PLBD2: variants seen among roughly 807,000 people sequenced by gnomAD.
The protein encoded by PLBD2 is putative aminopeptidase PLBD2.
Under a neutral mutation model 68.3 loss-of-function variants are expected in PLBD2, and 51 were observed. The ratio of observed to expected loss-of-function variants is 0.75; its 90% CI spans 0.60 to 0.94. PLBD2 has a LOEUF of 0.94. Ranked by LOEUF, PLBD2 falls within the 40% of genes least tolerant of loss-of-function variation. PLBD2 has a pLI of 0.00. For missense variants in PLBD2, 729 were observed against 792.2 expected (o/e 0.92, Z 0.96); for synonymous variants, 314 against 339.3 (o/e 0.93, Z 0.82).
chr12:113,387,351 G>C (rs927302620), intron 10 of PLBD2, among the ~76,000 whole-genome samples: 13 of 152,194 alleles, frequency 8.5e-5, no homozygotes, highest in African/African-American at 3.1e-4. Context: ...GGTACCAGGA[G>C]CAACAGGTAG....
chr12:113,358,975 T>C, intron 1 of PLBD2, 85 bp downstream of exon 1: 1 of 1,373,844 alleles, frequency 7.3e-7, no homozygotes, highest in South Asian at 1.5e-5. Flanking sequence ...GGGACCGGCC[T>C]CTTGCCGGGT....
At chr12:113,368,990 G>C in intron 1 of PLBD2, 126 bp from the exon 2 acceptor site, 3 of 602,632 alleles carry the variant, frequency 5.0e-6, no homozygotes, top group South Asian at 4.4e-5. Context: ...CACAAAGATG[G>C]ACAGACAGAC....
At chr12:113,360,834 T>G (rs138987174) in intron 1 of PLBD2, among the ~76,000 whole-genome samples, 1,825 of 152,246 alleles carry the variant, frequency 0.012, 19 homozygotes, top group South Asian at 0.037. Context: ...TTTTGTATTA[T>G]TAGTAGAGAT....
At chr12:113,375,061 G>A (rs1057122627) in intron 5 of PLBD2, 54 bp downstream of exon 5, 3 of 1,547,258 alleles carry the variant, frequency 1.9e-6, no homozygotes, top group South Asian at 2.3e-5. Flanking sequence ...GCACACACGT[G>A]GGGAGTGGTC....
At chr12:113,363,387 C>T (rs1021330904) in intron 1 of PLBD2, among the ~76,000 whole-genome samples, 10 of 151,972 alleles carry the variant, frequency 6.6e-5, no homozygotes, top group East Asian at 1.9e-4. Context: ...GCTGTGATCA[C>T]GCCAGTGCAC....
At chr12:113,381,091 C>T (rs1378958593) in intron 6 of PLBD2, among the ~76,000 whole-genome samples, 1 of 152,166 alleles carries the variant, frequency 6.6e-6, no homozygotes, top group African/African-American at 2.4e-5. Context: ...CATAGACCCC[C>T]AGGCCCCGCA....
intron 2 of PLBD2, among the ~76,000 whole-genome samples, chr12:113,369,934 C>G (rs1469112867): frequency 6.6e-6 from 1 of 151,570 alleles, no homozygotes; most frequent in African/African-American, 2.4e-5. Flanking sequence ...GAGTCTTGCT[C>G]TGTCACCCAG....
Position 113,388,584 on chromosome 12 carries a change from AGACCTCTG to A in PLBD2, c.1731_1738del (p.Asp577GlufsTer49). On this transcript the variant is annotated frameshift_variant, in exon 12 of 12. Coordinates refer to ENST00000280800, the MANE Select transcript of PLBD2 (RefSeq NM_173542.4). LOFTEE classifies it high-confidence loss of function. ...GCGGCCTGCTGCACATGGGCCAGCC[AGACCTCTG>A]GAAGTTCGCGCCTGTCAAGGTTTCA... The A allele has an allele frequency of 6.2e-7, 1 of 1,605,036 alleles. No individual in the cohort carries two copies. The highest frequency in any genetic ancestry group is 8.5e-7 in the Non-Finnish European group (1 of 1,174,616).
Position 113,369,383 on chromosome 12 carries a change from G to A in PLBD2, c.384+174G>A, listed in dbSNP as rs539738620. ...TCTTTAGAAAATTACACTAGGGGCC[G>A]GCCACTGCACCTGGCTCTCACCCAC... On this transcript the variant is annotated intron_variant, in intron 2 of 11. Transcript: ENST00000280800. Among the ~76,000 whole-genome samples, 7 of 152,288 alleles carry A rather than the reference G, an allele frequency of 4.6e-5. No individual in the cohort carries two copies. The East Asian group carries it at 7.7e-4, about 17-fold the overall frequency.
chr12:113,384,864 T>C lies in PLBD2; in HGVS notation c.1132T>C (p.Trp378Arg), dbSNP rs1957533818. ...CCTGCCCGGCAGGTATAACAACCAG[T>C]GGATGATCGTGGACTACAAGGCGTT... ...RFNSGTYNNQ[W>R]MIVDYKAFIP... Residue 378 changes from tryptophan to arginine, a missense_variant, in exon 8 of 12, where the codon TGG becomes CGG. Transcript: ENST00000280800. The surrounding 1 kb of genome is among the most constrained non-coding windows in gnomAD (Gnocchi z 4.2). 6.2e-7 allele frequency: 1 copy of C among 1,612,652 alleles called. No homozygotes were observed. Among genetic ancestry groups the C allele is most frequent in the African/African-American group, 1.3e-5 (1 of 74,648 alleles).
Position 113,372,565 on chromosome 12 carries a change from T to G in PLBD2, c.385-84T>G. ...AGGTGGCCACACCAGCAGCCTCCGC[T>G]CTGGGGCAGCCTGGGTGGGGGGCTC... is the stretch of plus-strand genomic sequence containing the variant. On this transcript the variant is annotated intron_variant, in intron 2 of 11. Transcript: ENST00000280800. This position sits in a 1 kb window ranked among gnomAD's most constrained non-coding sequence, Gnocchi z 4.2. 1 of 1,476,590 alleles carries G rather than the reference T, an allele frequency of 6.8e-7. No homozygotes were observed. The highest frequency in any genetic ancestry group is 2.3e-5 in the East Asian group (1 of 43,882). 91.5% of individuals were successfully genotyped at this position (1,476,590 alleles called of 1,614,324 possible).
Position 113,390,557 on chromosome 12 carries a change from A to G in PLBD2, c.*1931A>G, listed in dbSNP as rs1357932393. ...CATCCACCCATTCACTCATCCATCC[A>G]CCTTCCTATCCATTTATCATCCATC... On this transcript the variant is annotated 3_prime_UTR_variant, in exon 12 of 12. Transcript: ENST00000280800. 1 of 149,168 alleles carries G rather than the reference A, an allele frequency of 6.7e-6. No individual in the cohort carries two copies. Among genetic ancestry groups the G allele is most frequent in the Non-Finnish European group, 1.5e-5 (1 of 67,472 alleles). The allele number at this position is 149,168 out of a possible 1,614,324, so 9.2% of individuals were successfully genotyped here.
chr12:113,382,500 T>C (rs1208639024), intron 6 of PLBD2, among the ~76,000 whole-genome samples: 3 of 152,012 alleles, frequency 2.0e-5, no homozygotes, highest in African/African-American at 7.3e-5. Context: ...CTGAGTGCAG[T>C]GGCATGATCA....
At chr12:113,362,004 C>T (rs1480157169) in intron 1 of PLBD2, among the ~76,000 whole-genome samples, 2 of 151,960 alleles carry the variant, frequency 1.3e-5, no homozygotes, top group Non-Finnish European at 2.9e-5. Flanking sequence ...TAAATAAGGC[C>T]CAGCTGTTTC....
Position 113,384,177 on chromosome 12 carries a change from C to T in PLBD2, c.1030C>T (p.Leu344=). Residue 344 remains leucine, a synonymous_variant, in exon 7 of 12, where the codon CTG becomes TTG. Coordinates refer to ENST00000280800, the MANE Select transcript of PLBD2 (RefSeq NM_173542.4). The surrounding 1 kb of genome is among the most constrained non-coding windows in gnomAD (Gnocchi z 4.2). ...WKYVRPRGCV[L]EWVRNIVANR... ...GTATGTGCGGCCCAGGGGCTGTGTG[C>T]TGGAGTGGGTACGCAACATCGTGGC... The T allele has an allele frequency of 1.2e-6, 2 of 1,614,002 alleles. No homozygotes were observed. The highest frequency in any genetic ancestry group is 8.5e-7 in the Non-Finnish European group (1 of 1,180,002).
intron 6 of PLBD2, among the ~76,000 whole-genome samples, chr12:113,381,565 T>C (rs1300604780): frequency 2.0e-5 from 3 of 152,146 alleles, no homozygotes; most frequent in Non-Finnish European, 2.9e-5. Context: ...TCCTTGCTTT[T>C]TTCTGAGTGT....
chr12:113,381,929 C>T (rs1216565900), intron 6 of PLBD2, among the ~76,000 whole-genome samples: 1 of 152,200 alleles, frequency 6.6e-6, no homozygotes. Context: ...TTCAGGCGAT[C>T]CTCCTGCCTC....
At position 113,384,122 on chromosome 12, in the gene PLBD2, C is replaced by T. The variant is rs1957523264; in HGVS notation, c.975C>T (p.Thr325=). ...LGSGLVTLET[T]IGNKNPALWK... ...TCCCACAGGTGACACTGGAGACCAC[C>T]ATTGGCAACAAGAACCCAGCCCTGT... The change falls in exon 7 of 12, where the codon ACC becomes ACT. Residue 325 remains threonine (T), a synonymous_variant. Transcript: ENST00000280800. This position sits in a 1 kb window ranked among gnomAD's most constrained non-coding sequence, Gnocchi z 4.2. 1 of 1,610,574 alleles carries T rather than the reference C, an allele frequency of 6.2e-7. No homozygotes were observed. Among genetic ancestry groups the T allele is most frequent in the Non-Finnish European group, 8.5e-7 (1 of 1,177,812 alleles).
At chr12:113,364,470 CTT>C (rs71086159) in intron 1 of PLBD2, among the ~76,000 whole-genome samples, 3 of 143,934 alleles carry the variant, frequency 2.1e-5, no homozygotes, top group African/African-American at 2.5e-5. Context: ...CCCTCAGATT[CTT>C]TTTTTTTTTT....
Sources: gnomAD v4.1 joint callset for allele counts (sites outside exome capture counted in the v4.1 genomes callset) on GRCh38, gnomAD v4.1.1 for gene constraint, Gnocchi (gnomAD v3.1) non-coding constraint, MANE v1.5 for transcripts, NCBI Gene and HGNC (gene_info 2026-07-23, HGNC 2026-07-21) for gene names.